ATG13: variants seen among roughly 807,000 people sequenced by gnomAD.
ATG13 encodes autophagy-related protein 13.
ATG13 carries 23 observed loss-of-function variants against 65.5 expected under a neutral mutation model. That is an observed-to-expected ratio of 0.35 (90% confidence interval 0.25 to 0.50). ATG13 has a LOEUF of 0.50. Ranked by LOEUF, ATG13 falls within the 20% of genes least tolerant of loss-of-function variation. The probability of loss-of-function intolerance (pLI) is 0.98; values close to 1 mark genes in which losing one functional copy is unlikely to be tolerated. For missense variants in ATG13, 566 were observed against 677.0 expected, an observed-to-expected ratio of 0.84 and a Z score of 1.82; for synonymous variants, 252 against 245.2, an observed-to-expected ratio of 1.03 and a Z score of -0.26.
chr11:46,663,911 C>T, intron 11 of ATG13, 86 bp from the exon 12 acceptor site: 1 of 1,018,884 alleles, frequency 9.8e-7, no homozygotes, highest in Non-Finnish European at 1.4e-6. Context: ...CTGCCCCTTC[C>T]AGAGTTTCTT....
chr11:46,668,655 C>T, intron 16 of ATG13, 79 bp downstream of exon 16: 3 of 1,535,558 alleles, frequency 2.0e-6, no homozygotes, highest in African/African-American at 1.4e-5. Context: ...TCACTAATCC[C>T]CCACAGACTA....
chr11:46,669,272 A>T, intron 17 of ATG13, 132 bp from the exon 18 acceptor site: 3 of 1,144,638 alleles, frequency 2.6e-6, no homozygotes, highest in Non-Finnish European at 3.7e-6. Flanking sequence ...GGGAGAGAAA[A>T]GTGTAAAGAT....
intron 5 of ATG13, 37 bp downstream of exon 5, chr11:46,646,026 C>G: frequency 6.2e-7 from 1 of 1,612,494 alleles, no homozygotes; most frequent in Non-Finnish European, 8.5e-7. Flanking sequence ...TCATTTAGCA[C>G]TGAAGGCTCC....
At chr11:46,628,404 A>C (rs1343880791) in intron 1 of ATG13, among the ~76,000 whole-genome samples, 1 of 151,926 alleles carries the variant, frequency 6.6e-6, no homozygotes, top group Non-Finnish European at 1.5e-5. Context: ...CTCAAAAAAA[A>C]CCTGAAAACA....
chr11:46,664,290 C>A, intron 12 of ATG13, 195 bp downstream of exon 12: 1 of 527,960 alleles, frequency 1.9e-6, no homozygotes. Flanking sequence ...TCTGCCCCTC[C>A]TCCTACCATT....
At chr11:46,630,575 T>A (rs2051333791) in intron 2 of ATG13, among the ~76,000 whole-genome samples, 1 of 149,936 alleles carries the variant, frequency 6.7e-6, no homozygotes, top group Non-Finnish European at 1.5e-5. Context: ...AGGCTTTTTT[T>A]TTTTTTTTTT....
rs749702715 is a variant in ATG13 at position 46,639,719 on chromosome 11, A to G, written c.-13-4560A>G. ...GCTGAAGTGTGGAGATCATTGGTCA[A>G]AGTATGCAGGGTAAAGTCATGGCAC... On this transcript the variant is annotated intron_variant, in intron 2 of 18. Coordinates refer to ENST00000683050, the MANE Select transcript of ATG13 (RefSeq NM_001346311.2). Among the ~76,000 whole-genome samples the G allele has an allele frequency of 3.9e-5, 6 of 152,086 alleles. No individual in the cohort carries two copies. In the South Asian group the frequency reaches 6.2e-4, roughly 16 times the overall value.
Position 46,664,831 on chromosome 11 carries a change from T to C in ATG13, c.889-18T>C, listed in dbSNP as rs778966851. On this transcript the variant is annotated intron_variant, in intron 12 of 18. Transcript: ENST00000683050. ...TCCTTGCCTTTCCTTTTCTCCTCTT[T>C]GTTTTTCTCTTGCTTAGCTCTCAAG... 6.2e-7 allele frequency: 1 copy of C among 1,604,294 alleles called. No homozygotes were observed. The highest frequency in any genetic ancestry group is 1.7e-5 in the Admixed American group (1 of 59,410).
intron 2 of ATG13, among the ~76,000 whole-genome samples, chr11:46,634,770 C>A (rs1008144135): frequency 6.6e-6 from 1 of 151,924 alleles, no homozygotes; most frequent in Non-Finnish European, 1.5e-5. Flanking sequence ...GGCACGATCT[C>A]GGCTCACTGC....
chr11:46,627,332 T>C (rs2050035602), intron 1 of ATG13, among the ~76,000 whole-genome samples: 2 of 151,942 alleles, frequency 1.3e-5, no homozygotes, highest in East Asian at 3.9e-4. Context: ...TGAGCCGAGA[T>C]TGCACCACTG....
Position 46,672,476 on chromosome 11 carries a change from C to T in ATG13, c.*144C>T. The stretch of plus-strand genomic sequence containing the variant: ...CTTCTCCCATGGGGACCCAGAAGTC[C>T]CTACTCTTGGACCTCCTGGAGACTC... On this transcript the variant is annotated 3_prime_UTR_variant, in exon 19 of 19. Coordinates refer to ENST00000683050, the MANE Select transcript of ATG13 (RefSeq NM_001346311.2). 7.2e-6 allele frequency: 11 copies of T among 1,533,506 alleles called. No individual in the cohort carries two copies. The highest frequency in any genetic ancestry group is 9.6e-6 in the Non-Finnish European group (11 of 1,141,682). 95.0% of individuals were successfully genotyped at this position (1,533,506 alleles called of 1,614,324 possible).
intron 9 of ATG13, 92 bp from the exon 10 acceptor site, chr11:46,657,432 C>T (rs1470731274): frequency 8.0e-7 from 1 of 1,251,854 alleles, no homozygotes; most frequent in African/African-American, 1.5e-5. Flanking sequence ...GTAGTGCCTG[C>T]CAACAGATGT....
intron 13 of ATG13, 72 bp from the exon 14 acceptor site, chr11:46,665,311 A>G (rs1291256906): frequency 1.9e-6 from 3 of 1,546,438 alleles, no homozygotes; most frequent in Middle Eastern, 1.7e-4. Context: ...AGATACCATC[A>G]TGCTAGAATG....
chr11:46,668,410 C>A, intron 15 of ATG13, 89 bp from the exon 16 acceptor site: 1 of 1,330,170 alleles, frequency 7.5e-7, no homozygotes, highest in Non-Finnish European at 1.1e-6. Flanking sequence ...TGTGAACTTG[C>A]TGGACCTCTA....
chr11:46,648,986 T>G (rs1003913634), intron 5 of ATG13, 151 bp from the exon 6 acceptor site: 1 of 582,800 alleles, frequency 1.7e-6, no homozygotes, highest in African/African-American at 1.9e-5. Context: ...GTGATTGCCC[T>G]TTTATTTAGA....
At position 46,670,480 on chromosome 11, in the gene ATG13, C is replaced by CA. The variant is rs552531117; in HGVS notation, c.1575+965dup. 5.5e-3 allele frequency among the ~76,000 whole-genome samples: 447 copies of CA among 81,648 alleles called. 1 individual carries two copies. The highest frequency in any genetic ancestry group is 7.0e-3 in the South Asian group (18 of 2,562). The allele number at this position is 81,648 out of a possible 152,430, so 53.6% of individuals were successfully genotyped here. ...CGGGTGACAGAGTGAGACTCCATCTCAAAAAAAAAAAAAAAAAGTAATAAT... is the reference window on the plus strand; with the variant it reads ...CGGGTGACAGAGTGAGACTCCATCTCAAAAAAAAAAAAAAAAAAGTAATAAT... On this transcript the variant is annotated intron_variant, in intron 18 of 18. Coordinates refer to ENST00000683050, the MANE Select transcript of ATG13 (RefSeq NM_001346311.2).
At chr11:46,669,350 T>G in intron 17 of ATG13, 54 bp from the exon 18 acceptor site, 1 of 1,602,730 alleles carries the variant, frequency 6.2e-7, no homozygotes, top group Middle Eastern at 1.7e-4. Context: ...TGTTCATAGC[T>G]TATCTCCTCT....
intron 7 of ATG13, among the ~76,000 whole-genome samples, chr11:46,650,831 C>T (rs1299825318): frequency 5.3e-5 from 8 of 152,134 alleles, no homozygotes; most frequent in Admixed American, 5.2e-4. Flanking sequence ...GTCTCGAGCT[C>T]CTGACCTTGT....
intron 1 of ATG13, among the ~76,000 whole-genome samples, chr11:46,622,105 ATATATATATATATATATATATATT>A (rs1471331608): frequency 3.0e-5 from 3 of 101,690 alleles, no homozygotes; most frequent in Admixed American, 9.9e-5. Context: ...ATATATATAT[ATATATATATATATATATATATATT>A]TATTTTAGAG....
Sources: allele counts gnomAD v4.1 joint callset (sites outside exome capture counted in the v4.1 genomes callset), GRCh38; gene constraint gnomAD v4.1.1; transcripts MANE v1.5; gene names NCBI Gene and HGNC (gene_info 2026-07-23, HGNC 2026-07-21).